Variants in PCDH9 observed in about 807,000 individuals in gnomAD.
PCDH9 encodes protocadherin-9.
A neutral mutation model predicts 70.6 loss-of-function variants in PCDH9; 24 were observed. The observed-to-expected ratio is 0.34, with a 90% CI of 0.25 to 0.48. The LOEUF is 0.48. Among genes scored for constraint, PCDH9 ranks in the 20% least tolerant of loss-of-function variants. The pLI, the probability that PCDH9 is intolerant of heterozygous loss-of-function variation, is 0.99. For missense variants in PCDH9, 1,281 were observed against 1,503.6 expected (o/e 0.85, Z 2.45); for synonymous variants, 562 against 558.5 (o/e 1.01, Z -0.09).
At chr13:66,810,512 A>T (rs2080486102) in intron 3 of PCDH9, among the ~76,000 whole-genome samples, 1 of 152,042 alleles carries the variant, frequency 6.6e-6, no homozygotes, top group East Asian at 1.9e-4. Context: ...GAATATAATA[A>T]ATGTAAAGTA....
At chr13:66,626,445 A>G (rs977189709) in intron 4 of PCDH9, among the ~76,000 whole-genome samples, 5 of 152,162 alleles carry the variant, frequency 3.3e-5, no homozygotes, top group African/African-American at 1.2e-4. Flanking sequence ...GCAATTTCCC[A>G]AAGAGTCCAG....
At chr13:67,117,529 G>A (rs2086801411) in intron 2 of PCDH9, among the ~76,000 whole-genome samples, 1 of 152,112 alleles carries the variant, frequency 6.6e-6, no homozygotes, top group Non-Finnish European at 1.5e-5. Context: ...AATGAAAAAT[G>A]AGAAACACGG....
At chr13:66,689,795 C>G (rs986702722) in intron 3 of PCDH9, among the ~76,000 whole-genome samples, 1 of 152,154 alleles carries the variant, frequency 6.6e-6, no homozygotes, top group African/African-American at 2.4e-5. Context: ...GCAAGATTCA[C>G]GAGCTGTCCC....
At chr13:66,526,646 A>T (rs1029776698) in intron 4 of PCDH9, among the ~76,000 whole-genome samples, 9 of 151,994 alleles carry the variant, frequency 5.9e-5, no homozygotes, top group African/African-American at 2.2e-4. Flanking sequence ...TTCTCACTGC[A>T]TTGGGAGTGA....
At chr13:67,217,282 A>AC (rs376587451) in intron 2 of PCDH9, 1 of 151,400 alleles carries the variant, frequency 6.6e-6, no homozygotes, top group African/African-American at 2.4e-5. Context: ...GAAAAAAAAA[A>AC]ACCTAATTCA....
At chr13:66,475,731 C>G (rs754911844) in intron 4 of PCDH9, among the ~76,000 whole-genome samples, 3 of 152,032 alleles carry the variant, frequency 2.0e-5, no homozygotes, top group Non-Finnish European at 2.9e-5. Context: ...TTTAGCTCAC[C>G]AATAAAGCCA....
chr13:66,779,747 G>C (rs955041642), intron 3 of PCDH9, among the ~76,000 whole-genome samples: 1 of 151,196 alleles, frequency 6.6e-6, no homozygotes, highest in East Asian at 2.0e-4. Context: ...CTTGAACCTG[G>C]GAGGCGGTGG....
intron 3 of PCDH9, among the ~76,000 whole-genome samples, chr13:66,725,275 T>C (rs1263092472): frequency 6.6e-6 from 1 of 152,224 alleles, no homozygotes; most frequent in Non-Finnish European, 1.5e-5. Context: ...CCTACTTGGT[T>C]GATTGTCCAA....
intron 4 of PCDH9, among the ~76,000 whole-genome samples, chr13:66,526,250 C>A (rs971822300): frequency 6.6e-6 from 1 of 152,094 alleles, no homozygotes; most frequent in East Asian, 1.9e-4. Context: ...GCTGAATGAG[C>A]ACAAAGGAAG....
intron 2 of PCDH9, among the ~76,000 whole-genome samples, chr13:67,066,773 C>T (rs757580575): frequency 2.0e-5 from 3 of 152,130 alleles, no homozygotes; most frequent in African/African-American, 7.2e-5. Flanking sequence ...TAATAAGTCA[C>T]TTCTTACTTT....
chr13:66,375,473 A>G (rs1346585211), intron 4 of PCDH9, among the ~76,000 whole-genome samples: 1 of 152,144 alleles, frequency 6.6e-6, no homozygotes, highest in African/African-American at 2.4e-5. Flanking sequence ...CTCAATCATT[A>G]TAGGTAATAC....
chr13:66,328,670 T>C (rs760362402), intron 4 of PCDH9, among the ~76,000 whole-genome samples: 29 of 152,168 alleles, frequency 1.9e-4, no homozygotes, highest in Non-Finnish European at 2.9e-4. Flanking sequence ...GAATGGTTTT[T>C]CTGCCTGGAT....
At position 67,164,471 on chromosome 13, in the gene PCDH9, A is replaced by T. The variant is rs188721780; in HGVS notation, c.3036+60934T>A. ...GCACCTATAATCCCAGCTACTTGGG[A>T]GGCTGAAGCAGAGAATTGCTTGAAC... On this transcript the variant is annotated intron_variant, in intron 2 of 4. Transcript: ENST00000377865. 5.6e-3 allele frequency among the ~76,000 whole-genome samples: 845 copies of T among 151,290 alleles called. 13 individuals carry two copies. The highest frequency in any genetic ancestry group is 0.02 in the African/African-American group (816 of 41,224).
intron 2 of PCDH9, among the ~76,000 whole-genome samples, chr13:67,005,300 G>T (rs1442288989): frequency 6.6e-6 from 1 of 151,868 alleles, no homozygotes; most frequent in Non-Finnish European, 1.5e-5. Flanking sequence ...TGAAGTCAGG[G>T]GATTTTCTTT....
At chr13:66,437,404 CAAAAAAAAAAA>C (rs66796123) in intron 4 of PCDH9, among the ~76,000 whole-genome samples, 2 of 45,600 alleles carry the variant, frequency 4.4e-5, no homozygotes, top group South Asian at 1.7e-3. Flanking sequence ...GACTCTGTCT[CAAAAAAAAAAA>C]AAAAAAAAAA....
At chr13:66,496,948 C>A (rs1249011037) in intron 4 of PCDH9, among the ~76,000 whole-genome samples, 1 of 152,202 alleles carries the variant, frequency 6.6e-6, no homozygotes, top group Non-Finnish European at 1.5e-5. Context: ...TTATCTCTTT[C>A]ACAAGGCCAC....
chr13:66,700,579 T>C (rs958852082), intron 3 of PCDH9, among the ~76,000 whole-genome samples: 2 of 151,896 alleles, frequency 1.3e-5, no homozygotes, highest in African/African-American at 2.4e-5. Flanking sequence ...CAGGGAAAAA[T>C]AACAGAAGAA....
chr13:66,655,925 A>G (rs2077922214), intron 3 of PCDH9, among the ~76,000 whole-genome samples: 1 of 152,214 alleles, frequency 6.6e-6, no homozygotes, highest in South Asian at 2.1e-4. Flanking sequence ...TAAAAATGGA[A>G]AACAATTAAC....
intron 4 of PCDH9, among the ~76,000 whole-genome samples, chr13:66,533,084 T>G (rs1334857385): frequency 6.6e-6 from 1 of 152,126 alleles, no homozygotes; most frequent in African/African-American, 2.4e-5. Context: ...GGCAGTTCAG[T>G]GCTGTTGGGA....
Sources: allele counts gnomAD v4.1 joint callset (sites outside exome capture counted in the v4.1 genomes callset), GRCh38; gene constraint gnomAD v4.1.1; transcripts MANE v1.5; gene names NCBI Gene and HGNC (gene_info 2026-07-23, HGNC 2026-07-21).